The following BBS4 variants were observed in gnomAD, a reference collection of about 807,000 sequenced individuals.
BBS4 encodes BBSome complex member BBS4.
Under a neutral mutation model 71.4 loss-of-function variants are expected in BBS4, and 58 were observed. That is an observed-to-expected ratio of 0.81 (90% confidence interval 0.66 to 1.01). The LOEUF (loss-of-function observed/expected upper bound fraction) is 1.01, where lower values mean the gene tolerates loss of function less well. Ranked by LOEUF, BBS4 falls within the 50% of genes least tolerant of loss-of-function variation. The probability of loss-of-function intolerance (pLI) is 0.00; values close to 1 mark genes in which losing one functional copy is unlikely to be tolerated. For synonymous variants in BBS4, 228 were observed against 216.8 expected (o/e 1.05, Z -0.46); for missense variants, 660 against 607.9 (o/e 1.09, Z -0.90).
At chr15:72,722,414 T>C (rs2065593412) in intron 6 of BBS4, among the ~76,000 whole-genome samples, 1 of 152,152 alleles carries the variant, frequency 6.6e-6, no homozygotes, top group African/African-American at 2.4e-5. Context: ...AGGGCGGAAA[T>C]GTGTGGCTAG....
intron 8 of BBS4, among the ~76,000 whole-genome samples, chr15:72,725,055 T>TAGAG (rs201886458): frequency 0.13 from 14,580 of 110,678 alleles, 690 homozygotes; most frequent in South Asian, 0.19. Flanking sequence ...TATATATATA[T>TAGAG]ATAGAGAGAG....
intron 1 of BBS4, among the ~76,000 whole-genome samples, chr15:72,693,987 C>G (rs538239141): frequency 6.6e-5 from 10 of 151,964 alleles, no homozygotes; most frequent in African/African-American, 2.2e-4. Context: ...TGGGTTCAAG[C>G]GATTTTCCTG....
At chr15:72,726,772 G>C (rs918758336) in intron 8 of BBS4, among the ~76,000 whole-genome samples, 18 of 152,212 alleles carry the variant, frequency 1.2e-4, no homozygotes, top group African/African-American at 4.1e-4. Context: ...TGTGGTGCTA[G>C]GTAGTAGCCC....
chr15:72,727,348 C>A (rs149271743), intron 8 of BBS4, among the ~76,000 whole-genome samples: 15 of 152,172 alleles, frequency 9.9e-5, no homozygotes, highest in Admixed American at 3.3e-4. Context: ...GCAGGCAATC[C>A]CTGATGTGAG....
intron 2 of BBS4, 96 bp downstream of exon 2, chr15:72,695,324 G>A (rs999522748): frequency 5.8e-6 from 5 of 857,208 alleles, no homozygotes; most frequent in Non-Finnish European, 9.0e-6. Context: ...GAGTCTCACT[G>A]TCACCCAGGC....
chr15:72,708,773 G>C (rs375838475), intron 2 of BBS4, among the ~76,000 whole-genome samples: 4 of 152,030 alleles, frequency 2.6e-5, no homozygotes, highest in African/African-American at 9.7e-5. Flanking sequence ...AGGTCTATAG[G>C]GCATGTCTGT....
Position 72,695,096 on chromosome 15 carries a change from T to G in BBS4, c.25-81T>G, listed in dbSNP as rs914558243. 1.1e-4 allele frequency: 109 copies of G among 964,936 alleles called. No individual in the cohort carries two copies. In the African/African-American group the frequency reaches 1.5e-3, roughly 14 times the overall value. The allele number at this position is 964,936 out of a possible 1,614,324, so 59.8% of individuals were successfully genotyped here. ...ATTGCATAATTGGTGAGCTACTGAT[T>G]ATTCTTGTTATTTGGATGCTTCTTT... On this transcript the variant is annotated intron_variant, in intron 1 of 15. Transcript: ENST00000268057.
At chr15:72,736,031 C>T (rs79602431) in intron 14 of BBS4, 65 bp downstream of exon 14, 46,337 of 1,574,260 alleles carry the variant, frequency 0.029, 1,134 homozygotes, top group Admixed American at 0.12. Context: ...AAAATCAAGC[C>T]CAGATCATCC....
At chr15:72,713,351 GCA>G (rs2065412606) in intron 4 of BBS4, among the ~76,000 whole-genome samples, 4 of 27,328 alleles carry the variant, frequency 1.5e-4, no homozygotes, top group African/African-American at 1.9e-4. Context: ...ACACACACAC[GCA>G]CACGCACGCA....
At position 72,695,201 on chromosome 15, in the gene BBS4, G is replaced by A; in HGVS notation, c.49G>A (p.Glu17Lys). ...GAGAACTCAATTTCCTGTATCTACTGAGTCTCAAAAACCCCGGCAGAAAAA... is the reference window on the plus strand; with the variant it reads ...GAGAACTCAATTTCCTGTATCTACTAAGTCTCAAAAACCCCGGCAGAAAAA... ...ATRTQFPVST[E>K]SQKPRQKKAP... Residue 17 changes from glutamate to lysine, a missense_variant, in exon 2 of 16, where the codon GAG (glutamate) becomes AAG (lysine). Transcript: ENST00000268057. The A allele has an allele frequency of 6.2e-7, 1 of 1,606,688 alleles. No individual in the cohort carries two copies. Among genetic ancestry groups the A allele is most frequent in the Non-Finnish European group, 8.5e-7 (1 of 1,173,538 alleles).
intron 2 of BBS4, among the ~76,000 whole-genome samples, chr15:72,703,325 T>A (rs1229075482): frequency 6.6e-6 from 1 of 152,176 alleles, no homozygotes; most frequent in Non-Finnish European, 1.5e-5. Context: ...GGGCCTCTCA[T>A]TTCTTCCATT....
At chr15:72,698,301 A>G (rs2151001328) in intron 2 of BBS4, among the ~76,000 whole-genome samples, 1 of 152,278 alleles carries the variant, frequency 6.6e-6, no homozygotes, top group African/African-American at 2.4e-5. Flanking sequence ...TACATTTACA[A>G]AGTTGTGCAG....
At chr15:72,698,622 T>A (rs563096802) in intron 2 of BBS4, among the ~76,000 whole-genome samples, 1 of 152,338 alleles carries the variant, frequency 6.6e-6, no homozygotes, top group South Asian at 2.1e-4. Flanking sequence ...ATTTTGTTTA[T>A]CTGTCTGTTG....
chr15:72,715,674 C>T (rs927007278), intron 5 of BBS4, among the ~76,000 whole-genome samples: 1 of 152,304 alleles, frequency 6.6e-6, no homozygotes, highest in East Asian at 1.9e-4. Flanking sequence ...AATAGAGACA[C>T]CTTGTACCCT....
intron 6 of BBS4, among the ~76,000 whole-genome samples, chr15:72,721,056 A>AT (rs1446036953): frequency 6.6e-6 from 1 of 152,186 alleles, no homozygotes; most frequent in Non-Finnish European, 1.5e-5. Flanking sequence ...GTCTCTCTCC[A>AT]TGCATGCATT....
At chr15:72,721,510 G>A (rs1432133710) in intron 6 of BBS4, among the ~76,000 whole-genome samples, 1 of 152,090 alleles carries the variant, frequency 6.6e-6, no homozygotes, top group East Asian at 1.9e-4. Flanking sequence ...TCTTAAGTTA[G>A]GTAATCTACT....
chr15:72,719,976 C>T (rs1411520777), intron 6 of BBS4, among the ~76,000 whole-genome samples: 1 of 151,720 alleles, frequency 6.6e-6, no homozygotes. Context: ...GTCTCGAGCT[C>T]CTGACGTTGT....
chr15:72,722,152 T>C (rs996765923), intron 6 of BBS4, among the ~76,000 whole-genome samples: 39 of 152,224 alleles, frequency 2.6e-4, no homozygotes, highest in African/African-American at 9.2e-4. Flanking sequence ...AATGAATCTG[T>C]ACTTATAAAA....
chr15:72,727,992 C>G lies in BBS4; in HGVS notation c.640C>G (p.Gln214Glu). The G allele has an allele frequency of 6.2e-7, 1 of 1,610,140 alleles. No individual in the cohort carries two copies. The highest frequency in any genetic ancestry group is 1.1e-5 in the South Asian group (1 of 90,986). The change falls in exon 9 of 16, where the codon CAG becomes GAG. Residue 214 changes from glutamine (Q) to glutamate (E), a missense_variant and splice_region_variant. Physicochemically the swap from Gln to Glu is conservative, Grantham distance 29. Coordinates refer to ENST00000268057, the MANE Select transcript of BBS4 (RefSeq NM_033028.5). Reference protein sequence around the residue: ...LLTTLGLLYLQLGIYQKAFEH... With the variant: ...LLTTLGLLYLELGIYQKAFEH... ...TACAACTTTAGGATTACTCTACTTA[C>G]AGGTAATGAAAACTCTGTACTCATT...
Sources: gnomAD v4.1 joint callset for allele counts (sites outside exome capture counted in the v4.1 genomes callset) on GRCh38, gnomAD v4.1.1 for gene constraint, MANE v1.5 for transcripts, NCBI Gene and HGNC (gene_info 2026-07-23, HGNC 2026-07-21) for gene names.